Variants in GNA14 observed in about 807,000 individuals in gnomAD.
The protein encoded by GNA14 is G protein subunit alpha 14, also known as guanine nucleotide-binding protein subunit alpha-14.
In GNA14, 50 loss-of-function variants were observed where a neutral mutation model predicts 42.0. The observed-to-expected ratio is 1.19, with a 90% CI of 0.95 to 1.51. The LOEUF (loss-of-function observed/expected upper bound fraction) is 1.51. GNA14 is among the 40% of genes most tolerant of loss of function. The pLI is 0.00. For synonymous variants in GNA14, 173 were observed against 163.1 expected, an observed-to-expected ratio of 1.06 and a Z score of -0.46; for missense variants, 473 against 446.2, an observed-to-expected ratio of 1.06 and a Z score of -0.54.
At chr9:77,600,755 T>C (rs1823545590) in intron 1 of GNA14, among the ~76,000 whole-genome samples, 1 of 151,856 alleles carries the variant, frequency 6.6e-6, no homozygotes, top group Non-Finnish European at 1.5e-5. Flanking sequence ...CTGTCTCTAC[T>C]AAAAAAAACA....
intron 2 of GNA14, chr9:77,517,436 A>G (rs1350124634): frequency 2.0e-5 from 3 of 151,816 alleles, no homozygotes; most frequent in African/African-American, 7.3e-5. Flanking sequence ...CATTGTTTCA[A>G]AAATAGGTAT....
chr9:77,482,656 A>C (rs992161500), intron 2 of GNA14, among the ~76,000 whole-genome samples: 1 of 152,198 alleles, frequency 6.6e-6, no homozygotes, highest in Non-Finnish European at 1.5e-5. Flanking sequence ...GTGTTTTCCA[A>C]CTTGGTTCCA....
chr9:77,591,482 A>C (rs1823390930), intron 1 of GNA14, among the ~76,000 whole-genome samples: 2 of 152,172 alleles, frequency 1.3e-5, no homozygotes, highest in South Asian at 2.1e-4. Context: ...CTAGACTCAA[A>C]TTCTGGTCCC....
At chr9:77,438,580 TA>T (rs201883036) in intron 2 of GNA14, among the ~76,000 whole-genome samples, 93 of 151,516 alleles carry the variant, frequency 6.1e-4, no homozygotes, top group African/African-American at 1.9e-3. Flanking sequence ...TTTTTTTTTT[TA>T]AAAAAAACCT....
chr9:77,622,545 G>T (rs1270161817), intron 1 of GNA14, among the ~76,000 whole-genome samples: 1 of 151,880 alleles, frequency 6.6e-6, no homozygotes, highest in African/African-American at 2.4e-5. Flanking sequence ...GAGTTGGGCG[G>T]ATCACAGAGT....
chr9:77,562,408 T>C (rs1037170893), intron 1 of GNA14, among the ~76,000 whole-genome samples: 7 of 151,950 alleles, frequency 4.6e-5, no homozygotes, highest in African/African-American at 1.7e-4. Flanking sequence ...AATGATCATG[T>C]ATGGGGCAGG....
intron 2 of GNA14, among the ~76,000 whole-genome samples, chr9:77,482,953 C>T (rs1036705102): frequency 1.3e-5 from 2 of 152,158 alleles, no homozygotes; most frequent in Admixed American, 6.5e-5. Context: ...GTTATCCATT[C>T]GTCTAATTTT....
At chr9:77,510,919 C>T (rs1206038312) in intron 2 of GNA14, among the ~76,000 whole-genome samples, 1 of 151,824 alleles carries the variant, frequency 6.6e-6, no homozygotes, top group Non-Finnish European at 1.5e-5. Flanking sequence ...GCAGCCCAGC[C>T]CTTGGTGGGG....
chr9:77,503,324 G>C (rs753591108), intron 2 of GNA14, among the ~76,000 whole-genome samples: 22 of 152,078 alleles, frequency 1.4e-4, no homozygotes, highest in Non-Finnish European at 2.9e-4. Flanking sequence ...TGATCCTCAA[G>C]GTATTTGAGG....
intron 2 of GNA14, among the ~76,000 whole-genome samples, chr9:77,481,931 G>C (rs539278077): frequency 4.6e-5 from 7 of 151,266 alleles, no homozygotes; most frequent in African/African-American, 1.7e-4. Flanking sequence ...TTTTTTTTGA[G>C]CCTATGTATG....
At chr9:77,527,944 C>T (rs10869934) in intron 2 of GNA14, among the ~76,000 whole-genome samples, 18,047 of 152,128 alleles carry the variant, frequency 0.12, 1,217 homozygotes, top group Non-Finnish European at 0.14. Context: ...CCACCCCACG[C>T]AAGTTTTAGC....
intron 1 of GNA14, among the ~76,000 whole-genome samples, chr9:77,623,235 A>AAAAT (rs1564069128): frequency 2.3e-5 from 3 of 129,414 alleles, no homozygotes; most frequent in African/African-American, 1.2e-4. Context: ...AAAAAAAAAA[A>AAAAT]AAAAAAAAAA....
intron 1 of GNA14, among the ~76,000 whole-genome samples, chr9:77,614,097 C>T (rs1823773651): frequency 6.6e-6 from 1 of 152,188 alleles, no homozygotes; most frequent in African/African-American, 2.4e-5. Context: ...TTTTTCCCTC[C>T]TGTACATGGA....
At chr9:77,541,320 G>T (rs1837658791) in intron 1 of GNA14, among the ~76,000 whole-genome samples, 1 of 152,014 alleles carries the variant, frequency 6.6e-6, no homozygotes, top group African/African-American at 2.4e-5. Context: ...TAGTATCCTT[G>T]GGTGCAACCT....
At chr9:77,632,219 A>G (rs549392513) in intron 1 of GNA14, among the ~76,000 whole-genome samples, 1 of 152,276 alleles carries the variant, frequency 6.6e-6, no homozygotes, top group South Asian at 2.1e-4. Context: ...CAAGGGGGGC[A>G]CTGAGGGAAG....
chr9:77,608,811 C>T (rs548012840), intron 1 of GNA14, among the ~76,000 whole-genome samples: 2 of 148,338 alleles, frequency 1.3e-5, no homozygotes, highest in Non-Finnish European at 3.0e-5. Flanking sequence ...GGCGATGGCC[C>T]AACATCCTTC....
chr9:77,603,977 A>AAAAAC, intron 1 of GNA14, among the ~76,000 whole-genome samples: 1 of 145,248 alleles, frequency 6.9e-6, no homozygotes, highest in African/African-American at 2.5e-5. Flanking sequence ...AAAAAAAAAA[A>AAAAAC]AAAACACCTC....
intron 2 of GNA14, among the ~76,000 whole-genome samples, chr9:77,473,665 T>C (rs1836370445): frequency 6.6e-6 from 1 of 150,736 alleles, no homozygotes; most frequent in Non-Finnish European, 1.5e-5. Flanking sequence ...AAAATCCATA[T>C]GGGAATGTAA....
chr9:77,568,812 G>A (rs1823013506), intron 1 of GNA14, among the ~76,000 whole-genome samples: 1 of 152,186 alleles, frequency 6.6e-6, no homozygotes, highest in Non-Finnish European at 1.5e-5. Flanking sequence ...CAGAGGAGAT[G>A]GGGCTGCCTT....
Sources: gnomAD v4.1 joint callset for allele counts (sites outside exome capture counted in the v4.1 genomes callset) on GRCh38, gnomAD v4.1.1 for gene constraint, MANE v1.5 for transcripts, NCBI Gene and HGNC (gene_info 2026-07-23, HGNC 2026-07-21) for gene names.